GALR1: variants seen among roughly 807,000 people sequenced by gnomAD.
GALR1 encodes galanin receptor type 1.
GALR1 carries 11 observed loss-of-function variants against 17.9 expected under a neutral mutation model. That is an observed-to-expected ratio of 0.62 (90% CI 0.39 to 1.02). The LOEUF (loss-of-function observed/expected upper bound fraction) is 1.02. GALR1 is among the 50% of genes least tolerant of loss of function. GALR1 has a pLI of 0.01. For missense variants in GALR1, 441 were observed against 456.9 expected (o/e 0.97, Z 0.32); for synonymous variants, 206 against 205.7 (o/e 1.00, Z -0.01).
At chr18:77,252,854 A>ACACCACCACCACCAC (rs1217118933) in intron 1 of GALR1, among the ~76,000 whole-genome samples, 2 of 52,632 alleles carry the variant, frequency 3.8e-5, no homozygotes, top group Admixed American at 4.4e-4. Flanking sequence ...CTGTCTCAAA[A>ACACCACCACCACCAC]CACCACCACC....
chr18:77,256,371 T>C (rs2717162), intron 2 of GALR1, 148 bp downstream of exon 2: 156,691 of 553,294 alleles, frequency 0.28, 24,798 homozygotes, highest in East Asian at 0.55. Flanking sequence ...CTCCCACCGT[T>C]AGGATGGGAA....
chr18:77,260,304 C>A (rs568259581), intron 2 of GALR1, among the ~76,000 whole-genome samples: 1 of 152,050 alleles, frequency 6.6e-6, no homozygotes, highest in East Asian at 1.9e-4. Flanking sequence ...CGCCCTCTTT[C>A]ATAAGGGGAC....
intron 2 of GALR1, among the ~76,000 whole-genome samples, chr18:77,267,289 G>A (rs1912963740): frequency 6.6e-6 from 1 of 152,180 alleles, no homozygotes; most frequent in Non-Finnish European, 1.5e-5. Context: ...TTGATGACCA[G>A]AATTTTCCCT....
chr18:77,259,287 G>GTGGTCATGA lies in GALR1; in HGVS notation c.732+3072_732+3073insATGGTCATG, dbSNP rs1912749019. On this transcript the variant is annotated intron_variant, in intron 2 of 2. Coordinates refer to ENST00000299727, the MANE Select transcript of GALR1 (RefSeq NM_001480.4). ...GGTGTTGGTGTTGGTGGTGGTCATG[G>GTGGTCATGA]TGGTCATGGTGGTGATGATGGTGGT... Among the ~76,000 whole-genome samples the GTGGTCATGA allele has an allele frequency of 3.0e-5, 2 of 67,286 alleles. 1 individual carries two copies. The highest frequency in any genetic ancestry group is 6.9e-5 in the Non-Finnish European group (2 of 29,162). 44.1% of individuals were successfully genotyped at this position (67,286 alleles called of 152,430 possible).
chr18:77,263,123 T>C (rs1912869261), intron 2 of GALR1, among the ~76,000 whole-genome samples: 1 of 152,246 alleles, frequency 6.6e-6, no homozygotes. Flanking sequence ...TTCTGTGACA[T>C]AGAGAGATGG....
chr18:77,256,052 T>C (rs1284722962), intron 1 of GALR1, 106 bp from the exon 2 acceptor site: 4 of 688,838 alleles, frequency 5.8e-6, no homozygotes, highest in Non-Finnish European at 1.0e-5. Context: ...AATGATCTTA[T>C]AAATAGTGAT....
chr18:77,270,526 A>ATGTGTG lies in GALR1; in HGVS notation c.*1625_*1626insGTGTGT, dbSNP rs1281353413. The stretch of plus-strand genomic sequence containing the variant: ...AAGACTCTGTCTAAAATATATATAT[A>ATGTGTG]TATGTGTGTGTGTGTGTGTGTGTGT... On this transcript the variant is annotated 3_prime_UTR_variant, in exon 3 of 3. Transcript: ENST00000299727. 2.8e-3 allele frequency: 320 copies of ATGTGTG among 115,644 alleles called. 1 individual carries two copies. Among genetic ancestry groups the ATGTGTG allele is most frequent in the African/African-American group, 8.7e-3 (283 of 32,500 alleles). The allele number at this position is 115,644 out of a possible 1,614,324, so 7.2% of individuals were successfully genotyped here.
chr18:77,259,017 G>T (rs1378461854), intron 2 of GALR1, among the ~76,000 whole-genome samples: 1 of 25,330 alleles, frequency 3.9e-5, no homozygotes, highest in East Asian at 1.1e-3. Flanking sequence ...TGGTGGTGGT[G>T]TTGGTGTTGG....
rs1913111218 is a variant in GALR1, at chr18:77,274,034, G to C, written c.*5132G>C. On this transcript the variant is annotated 3_prime_UTR_variant, in exon 3 of 3. Coordinates refer to ENST00000299727, the MANE Select transcript of GALR1 (RefSeq NM_001480.4). Reference sequence around the variant, plus strand: ...CGGATGAATTTCGGGGCCTGCTGTGGGTTTTCTATGGGACACCATATACCA... The same window carrying C: ...CGGATGAATTTCGGGGCCTGCTGTGCGTTTTCTATGGGACACCATATACCA... 6.6e-6 allele frequency: 1 copy of C among 152,046 alleles called. No homozygotes were observed. Among genetic ancestry groups the C allele is most frequent in the Non-Finnish European group, 1.5e-5 (1 of 68,022 alleles). 9.4% of individuals were successfully genotyped at this position (152,046 alleles called of 1,614,324 possible).
At chr18:77,262,792 G>A (rs560025821) in intron 2 of GALR1, among the ~76,000 whole-genome samples, 1 of 152,290 alleles carries the variant, frequency 6.6e-6, no homozygotes, top group African/African-American at 2.4e-5. Context: ...CTTCTTTCCT[G>A]ATATTTATGT....
In GALR1 at chr18:77,268,542, G is replaced by GCCTCCT. The variant is rs71876994; in HGVS notation, c.733-20_733-15dup. 4,288 of 1,329,566 alleles carry GCCTCCT rather than the reference G, an allele frequency of 3.2e-3. 69 individuals are homozygous for GCCTCCT. In the Admixed American group the frequency reaches 0.039, roughly 12 times the overall value. 82.4% of individuals were successfully genotyped at this position (1,329,566 alleles called of 1,614,324 possible). A position where few individuals can be genotyped will look rare whatever the true frequency, so the allele number is the denominator to read the frequency against. ...TCCTTCCTTCTTCTTCTCCCTTACCGCCTCCTCCTCCTCCTCCTCCTCCTC... is the reference window on the plus strand; with the variant it reads ...TCCTTCCTTCTTCTTCTCCCTTACCGCCTCCTCCTCCTCCTCCTCCTCCTCCTCCTC... On this transcript the variant is annotated intron_variant, in intron 2 of 2. Transcript: ENST00000299727.
At chr18:77,258,845 GTGGTGGTGATGGTGGTGGTGA>G (rs1912700619) in intron 2 of GALR1, among the ~76,000 whole-genome samples, 1 of 5,140 alleles carries the variant, frequency 1.9e-4, no homozygotes, top group Admixed American at 2.2e-3. Context: ...GGTGGTGATG[GTGGTGGTGATGGTGGTGGTGA>G]TGGTGGTGAT....
intron 2 of GALR1, among the ~76,000 whole-genome samples, chr18:77,267,575 C>T (rs563994352): frequency 6.6e-6 from 1 of 152,302 alleles, no homozygotes; most frequent in East Asian, 1.9e-4. Context: ...TTTTGAGCTG[C>T]ACTTGTTAGA....
At chr18:77,260,128 TG>T (rs1176164256) in intron 2 of GALR1, among the ~76,000 whole-genome samples, 1 of 152,146 alleles carries the variant, frequency 6.6e-6, no homozygotes, top group African/African-American at 2.4e-5. Context: ...TACCATAGTC[TG>T]GGTGGCTCAT....
chr18:77,264,172 T>G (rs1324881582), intron 2 of GALR1, among the ~76,000 whole-genome samples: 5 of 149,628 alleles, frequency 3.3e-5, no homozygotes, highest in Non-Finnish European at 5.9e-5. Context: ...AAAGAATCCT[T>G]TTGCTATGTA....
intron 2 of GALR1, among the ~76,000 whole-genome samples, chr18:77,264,133 C>CAAAAAAAA (rs56102250): frequency 1.7e-5 from 1 of 57,218 alleles, no homozygotes; most frequent in Non-Finnish European, 3.0e-5. Context: ...GACTCCATCT[C>CAAAAAAAA]AAAAAAAAAA....
chr18:77,267,025 A>G (rs1266893891), intron 2 of GALR1, among the ~76,000 whole-genome samples: 1 of 152,234 alleles, frequency 6.6e-6, no homozygotes, highest in Non-Finnish European at 1.5e-5. Flanking sequence ...CTTGAGTCCT[A>G]ACCTTTGGCC....
chr18:77,262,759 G>A (rs1296872364), intron 2 of GALR1, among the ~76,000 whole-genome samples: 1 of 152,226 alleles, frequency 6.6e-6, no homozygotes, highest in African/African-American at 2.4e-5. Context: ...AGATGATATA[G>A]TTTATGCAAA....
In GALR1 at chr18:77,276,472, T is replaced by C. The variant is rs1357400164; in HGVS notation, c.*7570T>C. 2.6e-5 allele frequency: 4 copies of C among 152,194 alleles called. No individual in the cohort carries two copies. Among genetic ancestry groups the C allele is most frequent in the African/African-American group, 7.2e-5 (3 of 41,436 alleles). The allele number at this position is 152,194 out of a possible 1,614,324, so 9.4% of individuals were successfully genotyped here. On this transcript the variant is annotated 3_prime_UTR_variant, in exon 3 of 3. Transcript: ENST00000299727. ...TACCTTAGATCAGAGATTCTTATAT[T>C]TTATCAAGCATCAGAATCACCTGCA... is the stretch of plus-strand genomic sequence containing the variant.
Sources: allele counts gnomAD v4.1 joint callset (sites outside exome capture counted in the v4.1 genomes callset), GRCh38; gene constraint gnomAD v4.1.1; transcripts MANE v1.5; gene names NCBI Gene and HGNC (gene_info 2026-07-23, HGNC 2026-07-21).